The following CD81 variants were observed in gnomAD, a reference collection of about 807,000 sequenced individuals.
CD81 encodes the protein CD81 molecule, also known as CD81 antigen.
In CD81, 10 loss-of-function variants were observed where a neutral mutation model predicts 30.1. That is an observed-to-expected ratio of 0.33 (90% CI 0.21 to 0.56). The LOEUF is 0.56. Among genes scored for constraint, CD81 ranks in the 20% least tolerant of loss-of-function variants. The probability of loss-of-function intolerance (pLI) is 0.89; values close to 1 mark genes in which losing one functional copy is unlikely to be tolerated. For missense variants in CD81, 263 were observed against 308.7 expected (o/e 0.85, Z 1.11); for synonymous variants, 147 against 126.4 (o/e 1.16, Z -1.10).
At chr11:2,392,452 C>G (rs1183422512) in intron 2 of CD81, 1 of 152,282 alleles carries the variant, frequency 6.6e-6, no homozygotes, top group African/African-American at 2.4e-5. Flanking sequence ...ATGGTGTCAC[C>G]GTGGCCACAT....
chr11:2,389,437 G>A (rs906500753), intron 1 of CD81, among the ~76,000 whole-genome samples: 6 of 152,122 alleles, frequency 3.9e-5, no homozygotes, highest in Non-Finnish European at 8.8e-5. Flanking sequence ...TGTGCAGAGG[G>A]GGGCCTGGGG....
chr11:2,385,506 TC>T (rs1159310673), intron 1 of CD81, among the ~76,000 whole-genome samples: 10 of 151,618 alleles, frequency 6.6e-5, no homozygotes, highest in Non-Finnish European at 5.9e-5. Flanking sequence ...GGCCTGCCCG[TC>T]GTCTATGCAC....
At chr11:2,389,583 C>T (rs921506833) in intron 1 of CD81, among the ~76,000 whole-genome samples, 1 of 152,158 alleles carries the variant, frequency 6.6e-6, no homozygotes, top group Non-Finnish European at 1.5e-5. Context: ...GGCCTCTCCT[C>T]TCTGTGAGCC....
At chr11:2,380,531 T>C (rs1268462590) in intron 1 of CD81, among the ~76,000 whole-genome samples, 2 of 152,162 alleles carry the variant, frequency 1.3e-5, no homozygotes, top group Non-Finnish European at 2.9e-5. Flanking sequence ...ACCTGCGCCC[T>C]GACCGCTTTG....
chr11:2,386,450 T>A (rs2133449859), intron 1 of CD81: 1 of 683,008 alleles, frequency 1.5e-6, no homozygotes, highest in African/African-American at 1.8e-5. Context: ...GGGGATTTGG[T>A]GCTGCCATTG....
chr11:2,381,114 C>G (rs1016313265), intron 1 of CD81, among the ~76,000 whole-genome samples: 2 of 152,240 alleles, frequency 1.3e-5, no homozygotes, highest in African/African-American at 4.8e-5. Flanking sequence ...GGTGTGTGGA[C>G]TTTCCCTGGC....
chr11:2,390,116 C>T (rs1051075360), intron 1 of CD81: 2 of 539,724 alleles, frequency 3.7e-6, no homozygotes, highest in Non-Finnish European at 6.7e-6. Context: ...CTGTTTTCAT[C>T]TGAGAGGCAG....
intron 1 of CD81, chr11:2,386,176 G>A (rs757737245): frequency 1.4e-6 from 1 of 717,356 alleles, no homozygotes; most frequent in South Asian, 1.5e-5. Flanking sequence ...CTCTTCATGT[G>A]CTTTTTTGCT....
intron 1 of CD81, chr11:2,384,724 G>T (rs544198937): frequency 2.4e-5 from 4 of 164,098 alleles, no homozygotes; most frequent in Non-Finnish European, 5.5e-5. Context: ...ATGGCTCTGT[G>T]GGGAGAGGGG....
chr11:2,377,225 G>GCGGGGCGTGAGCTGGC (rs1468202851), upstream of CD81: 1 of 152,684 alleles, frequency 6.5e-6, no homozygotes, highest in Non-Finnish European at 1.5e-5. The surrounding 1 kb of genome is among the most constrained non-coding windows in gnomAD (Gnocchi z 7.7). Context: ...GGGGCCGGGG[G>GCGGGGCGTGAGCTGGC]CGGGGCGTGA....
rs555262071 is a variant in CD81 at position 2,381,296 on chromosome 11, C to T, written c.66+3681C>T. Among the ~76,000 whole-genome samples, 225 of 152,364 alleles carry T rather than the reference C, an allele frequency of 1.5e-3. 2 individuals carry two copies. The South Asian group carries it at 0.022, about 15-fold the overall frequency. On this transcript the variant is annotated intron_variant, in intron 1 of 7. Coordinates refer to ENST00000263645, the MANE Select transcript of CD81 (RefSeq NM_004356.4). ...GGTATGGGCCTACTTCCCCGGTCGCCCCTGTGGCTGGCTGTGGCTCTGCCG... is the reference window on the plus strand; with the variant it reads ...GGTATGGGCCTACTTCCCCGGTCGCTCCTGTGGCTGGCTGTGGCTCTGCCG...
chr11:2,390,765 G>T (rs1350821862), intron 2 of CD81, among the ~76,000 whole-genome samples: 1 of 152,206 alleles, frequency 6.6e-6, no homozygotes, highest in Non-Finnish European at 1.5e-5. Flanking sequence ...GGCAGGGACT[G>T]TGTGGAGACC....
intron 1 of CD81, among the ~76,000 whole-genome samples, chr11:2,383,829 C>T (rs1284896142): frequency 2.6e-5 from 4 of 152,210 alleles, no homozygotes; most frequent in Admixed American, 6.5e-5. Flanking sequence ...CCACTTGGCC[C>T]GTCTGGGTGG....
At chr11:2,385,556 G>C (rs1014736961) in intron 1 of CD81, 4 of 241,460 alleles carry the variant, frequency 1.7e-5, no homozygotes, top group Non-Finnish European at 3.0e-5. Context: ...TGGCATGCCT[G>C]TCTGTGCACC....
intron 2 of CD81, 71 bp from the exon 3 acceptor site, chr11:2,394,024 C>T: frequency 7.9e-7 from 1 of 1,264,802 alleles, no homozygotes. Flanking sequence ...GGGTTCGGCA[C>T]CCAGGACCCT....
At position 2,380,056 on chromosome 11, in the gene CD81, G is replaced by A. The variant is rs547403139; in HGVS notation, c.66+2441G>A. ...AGTGAGCCTACCTCCTGGTGGTGTTGGTGGATTTGCTGACATGCCTGAGTG... is the reference window on the plus strand; with the variant it reads ...AGTGAGCCTACCTCCTGGTGGTGTTAGTGGATTTGCTGACATGCCTGAGTG... On this transcript the variant is annotated intron_variant, in intron 1 of 7. Transcript: ENST00000263645. Among the ~76,000 whole-genome samples the A allele has an allele frequency of 4.6e-5, 7 of 152,294 alleles. No homozygotes were observed. The East Asian group carries it at 1.2e-3, about 25-fold the overall frequency.
At chr11:2,381,032 A>G (rs1450088717) in intron 1 of CD81, among the ~76,000 whole-genome samples, 1 of 152,170 alleles carries the variant, frequency 6.6e-6, no homozygotes, top group Non-Finnish European at 1.5e-5. Context: ...TCCTTCCGGG[A>G]GAGGGGCTGC....
intron 2 of CD81, chr11:2,393,663 G>A (rs1849942887): frequency 3.5e-6 from 2 of 563,614 alleles, no homozygotes; most frequent in Non-Finnish European, 6.3e-6. Flanking sequence ...GCCTACAGTG[G>A]GGCCCACCCT....
At chr11:2,392,957 G>C (rs559138021) in intron 2 of CD81, 1 of 152,438 alleles carries the variant, frequency 6.6e-6, no homozygotes, top group South Asian at 2.1e-4. Flanking sequence ...CCTGAGGGGA[G>C]GGAGACCTGG....
Sources: allele counts gnomAD v4.1 joint callset (sites outside exome capture counted in the v4.1 genomes callset), GRCh38; gene constraint gnomAD v4.1.1; non-coding constraint Gnocchi (gnomAD v3.1); transcripts MANE v1.5; gene names NCBI Gene and HGNC (gene_info 2026-07-23, HGNC 2026-07-21).